Variants in NOX4 observed in about 807,000 individuals in gnomAD.
NOX4 encodes NADPH oxidase 4.
NOX4 carries 69 observed loss-of-function variants against 87.6 expected under a neutral mutation model. The observed-to-expected ratio is 0.79, with a 90% CI of 0.65 to 0.96. The LOEUF is 0.96. NOX4 is among the 40% of genes least tolerant of loss of function. The pLI is 0.00. For missense variants in NOX4, 680 were observed against 681.5 expected (o/e 1.00, Z 0.02); for synonymous variants, 275 against 238.2 (o/e 1.15, Z -1.42).
the NOX4 span, among the ~76,000 whole-genome samples, chr11:89,550,375 G>A: frequency 2.6e-5 from 4 of 151,972 alleles, no homozygotes; most frequent in African/African-American, 4.8e-5. Flanking sequence ...TATTAGAGAT[G>A]GGTTTTCACC....
upstream of NOX4, among the ~76,000 whole-genome samples, chr11:89,494,006 C>T (rs1182648507): frequency 2.6e-5 from 4 of 152,174 alleles, no homozygotes; most frequent in Admixed American, 6.5e-5. Flanking sequence ...CCACCAGCCT[C>T]GGCCTCCCTA....
At chr11:89,426,926 C>T (rs1943451739) in intron 7 of NOX4, among the ~76,000 whole-genome samples, 1 of 152,194 alleles carries the variant, frequency 6.6e-6, no homozygotes, top group Non-Finnish European at 1.5e-5. Context: ...ACTGCCTCCT[C>T]AAGTAGGTCC....
intron 13 of NOX4, among the ~76,000 whole-genome samples, chr11:89,350,671 A>G (rs570601325): frequency 1.3e-5 from 2 of 152,336 alleles, no homozygotes; most frequent in African/African-American, 4.8e-5. Flanking sequence ...ATGTAGATAC[A>G]TACAGCAGTG....
At chr11:89,491,920 A>C (rs894445482), upstream of NOX4, among the ~76,000 whole-genome samples, 1 of 151,782 alleles carries the variant, frequency 6.6e-6, no homozygotes, top group Non-Finnish European at 1.5e-5. Flanking sequence ...CCCAAACTAA[A>C]GCCCCCCTGA....
intron 2 of NOX4, among the ~76,000 whole-genome samples, chr11:89,475,490 G>T (rs1946128683): frequency 6.6e-6 from 1 of 151,944 alleles, no homozygotes; most frequent in South Asian, 2.1e-4. Flanking sequence ...ACTGGAAAAT[G>T]CATGATAAAC....
intron 11 of NOX4, among the ~76,000 whole-genome samples, chr11:89,376,606 G>A (rs1429126527): frequency 1.3e-5 from 2 of 152,296 alleles, no homozygotes; most frequent in South Asian, 4.1e-4. Flanking sequence ...AACATGGCTG[G>A]CCGCAGTGGC....
At chr11:89,570,156 T>C in the NOX4 span, among the ~76,000 whole-genome samples, 1 of 152,220 alleles carries the variant, frequency 6.6e-6, no homozygotes, top group Non-Finnish European at 1.5e-5. Flanking sequence ...ACATGTACCA[T>C]GGAATATTAC....
chr11:89,566,523 T>C, the NOX4 span, among the ~76,000 whole-genome samples: 1 of 152,190 alleles, frequency 6.6e-6, no homozygotes, highest in African/African-American at 2.4e-5. Flanking sequence ...GAATATTTGG[T>C]AGGACTTATC....
At chr11:89,530,391 G>A in the NOX4 span, among the ~76,000 whole-genome samples, 1 of 145,118 alleles carries the variant, frequency 6.9e-6, no homozygotes, top group Non-Finnish European at 1.5e-5. Flanking sequence ...CACCTAGGCT[G>A]GAGTGCAATG....
chr11:89,423,179 C>T (rs144876299), intron 7 of NOX4, among the ~76,000 whole-genome samples: 2,046 of 152,150 alleles, frequency 0.013, 44 homozygotes, highest in African/African-American at 0.047. Context: ...TTTTAATACA[C>T]GCTGCCAATT....
chr11:89,486,290 AATTT>A (rs1211819696), intron 2 of NOX4, among the ~76,000 whole-genome samples: 2 of 147,898 alleles, frequency 1.4e-5, no homozygotes, highest in African/African-American at 2.5e-5. Context: ...TAAATAAATA[AATTT>A]ATTTATTTAA....
At position 89,324,826 on chromosome 11, in the gene NOX4, C is replaced by T. The variant is rs1345974406; in HGVS notation, c.*1930G>A. 1 of 152,128 alleles carries T rather than the reference C, an allele frequency of 6.6e-6. No individual in the cohort carries two copies. The highest frequency in any genetic ancestry group is 1.9e-4 in the East Asian group (1 of 5,190). The allele number at this position is 152,128 out of a possible 1,614,324, so 9.4% of individuals were successfully genotyped here. On this transcript the variant is annotated 3_prime_UTR_variant, in exon 18 of 18. Transcript: ENST00000263317. ...TCAGAGCTAAATCTGCATGAGCATT[C>T]CACATTTCCTATCACTTTTTTGGGT...
At position 89,429,067 on chromosome 11, in the gene NOX4, G is replaced by A. The variant is rs185238343; in HGVS notation, c.548+3717C>T. Among the ~76,000 whole-genome samples, 879 of 152,242 alleles carry A rather than the reference G, an allele frequency of 5.8e-3. 6 individuals are homozygous for A. Among genetic ancestry groups the A allele is most frequent in the East Asian group, 0.014 (74 of 5,182 alleles). On this transcript the variant is annotated intron_variant, in intron 7 of 17. Coordinates refer to ENST00000263317, the MANE Select transcript of NOX4 (RefSeq NM_016931.5). ...CAGGATTAAGAACTCACTCAAAACC[G>A]CTCAACTGCATGGAAACTGAACAAC...
the NOX4 span, among the ~76,000 whole-genome samples, chr11:89,540,385 T>C: frequency 6.6e-6 from 1 of 152,100 alleles, no homozygotes; most frequent in Non-Finnish European, 1.5e-5. Context: ...AGCTAAGTAG[T>C]TTTTCAGCAT....
the NOX4 span, among the ~76,000 whole-genome samples, chr11:89,518,402 AT>A: frequency 6.6e-6 from 1 of 151,654 alleles, no homozygotes; most frequent in South Asian, 2.1e-4. Flanking sequence ...CTACTTGCTT[AT>A]AAAAAAAAAC....
chr11:89,465,430 TGCTGCAATAA>T, intron 2 of NOX4, among the ~76,000 whole-genome samples: 1 of 152,332 alleles, frequency 6.6e-6, no homozygotes, highest in Admixed American at 6.5e-5. Flanking sequence ...TTGTTAACAC[TGCTGCAATAA>T]ACATACATGT....
chr11:89,588,275 T>C, the NOX4 span, among the ~76,000 whole-genome samples: 12 of 152,202 alleles, frequency 7.9e-5, no homozygotes, highest in African/African-American at 2.9e-4. Context: ...TACCTCATTG[T>C]CAATGGCAGA....
the NOX4 span, among the ~76,000 whole-genome samples, chr11:89,525,835 T>C: frequency 6.6e-6 from 1 of 151,820 alleles, no homozygotes. Flanking sequence ...CTATAAATTC[T>C]ATGTTTAGAT....
the NOX4 span, among the ~76,000 whole-genome samples, chr11:89,526,184 T>A: frequency 6.6e-6 from 1 of 152,354 alleles, no homozygotes; most frequent in East Asian, 1.9e-4. Flanking sequence ...GTGGGTCATT[T>A]GAACATTCAT....
Sources: gnomAD v4.1 joint callset for allele counts (sites outside exome capture counted in the v4.1 genomes callset) on GRCh38, gnomAD v4.1.1 for gene constraint, MANE v1.5 for transcripts, NCBI Gene and HGNC (gene_info 2026-07-23, HGNC 2026-07-21) for gene names.